PREP: variants seen among roughly 807,000 people sequenced by gnomAD.
PREP encodes dJ355L5.1 (prolyl endopeptidase).
PREP carries 29 observed loss-of-function variants against 87.6 expected under a neutral mutation model. The observed-to-expected ratio is 0.33, with a 90% CI of 0.25 to 0.45. The LOEUF (loss-of-function observed/expected upper bound fraction) is 0.45, where lower values mean the gene tolerates loss of function less well. PREP is among the 20% of genes least tolerant of loss of function. PREP has a pLI of 1.00. For synonymous variants in PREP, 337 were observed against 328.6 expected, an observed-to-expected ratio of 1.03 and a Z score of -0.28; for missense variants, 695 against 886.5, an observed-to-expected ratio of 0.78 and a Z score of 2.74.
intron 10 of PREP, among the ~76,000 whole-genome samples, chr6:105,296,476 C>T (rs1770415644): frequency 6.6e-6 from 1 of 151,826 alleles, no homozygotes; most frequent in Admixed American, 6.6e-5. Context: ...TTTTAGCTTC[C>T]TCTCTTATAA....
chr6:105,298,041 G>A (rs1268097141), intron 10 of PREP: 2 of 152,162 alleles, frequency 1.3e-5, no homozygotes, highest in Non-Finnish European at 2.9e-5. Context: ...GCCAGCCCGC[G>A]GCTGACCGAA....
chr6:105,292,224 GC>G (rs1477638793), intron 10 of PREP, among the ~76,000 whole-genome samples: 1 of 152,014 alleles, frequency 6.6e-6, no homozygotes, highest in African/African-American at 2.4e-5. Flanking sequence ...AATTTACTTT[GC>G]CCAGATCCAT....
At chr6:105,367,708 G>A (rs890937326) in intron 6 of PREP, among the ~76,000 whole-genome samples, 11 of 151,284 alleles carry the variant, frequency 7.3e-5, no homozygotes, top group African/African-American at 2.7e-4. Context: ...ACAAATTTTA[G>A]GGTAACAAAA....
At chr6:105,385,578 A>T (rs1221414198) in intron 2 of PREP, among the ~76,000 whole-genome samples, 4 of 152,230 alleles carry the variant, frequency 2.6e-5, no homozygotes, top group Non-Finnish European at 5.9e-5. Context: ...GAAAAAACCC[A>T]AGAATTAATT....
chr6:105,302,528 C>T (rs1014458645), intron 10 of PREP: 1 of 397,620 alleles, frequency 2.5e-6, no homozygotes, highest in African/African-American at 2.1e-5. Context: ...TCAGGTTCTC[C>T]TCGTGCTTGC....
At chr6:105,341,184 G>A (rs957511451) in intron 7 of PREP, among the ~76,000 whole-genome samples, 1 of 152,000 alleles carries the variant, frequency 6.6e-6, no homozygotes, top group South Asian at 2.1e-4. Flanking sequence ...TATAACAAAC[G>A]GTATCTCAGA....
intron 3 of PREP, among the ~76,000 whole-genome samples, chr6:105,377,070 A>G (rs1366320566): frequency 6.6e-6 from 1 of 152,220 alleles, no homozygotes; most frequent in Non-Finnish European, 1.5e-5. Context: ...AAGATAATTA[A>G]CTTCGGAGGC....
intron 6 of PREP, among the ~76,000 whole-genome samples, chr6:105,362,673 C>A (rs1016040699): frequency 1.3e-5 from 2 of 152,210 alleles, no homozygotes; most frequent in Admixed American, 6.5e-5. Context: ...GCCTTCCCAA[C>A]CATGCTGCTG....
intron 10 of PREP, among the ~76,000 whole-genome samples, chr6:105,301,903 C>T (rs377286119): frequency 6.6e-5 from 10 of 152,108 alleles, no homozygotes; most frequent in African/African-American, 2.4e-4. Context: ...AAGCCAAAAG[C>T]GAAATAGAAA....
chr6:105,371,067 G>A (rs1217423143), intron 5 of PREP, among the ~76,000 whole-genome samples: 2 of 152,194 alleles, frequency 1.3e-5, no homozygotes, highest in Non-Finnish European at 2.9e-5. Context: ...AAAAACAAAT[G>A]TACCACTCTG....
At chr6:105,369,091 T>C (rs543284758) in intron 5 of PREP, 67 bp from the exon 6 acceptor site, 46 of 1,550,714 alleles carry the variant, frequency 3.0e-5, no homozygotes, top group Middle Eastern at 1.7e-4. Flanking sequence ...TCCACCCATA[T>C]TGCAGAATGC....
intron 10 of PREP, among the ~76,000 whole-genome samples, chr6:105,318,271 T>C (rs146388860): frequency 6.6e-6 from 1 of 152,278 alleles, no homozygotes; most frequent in Non-Finnish European, 1.5e-5. Flanking sequence ...CATAAGCAGA[T>C]AGAGGATGCA....
chr6:105,312,832 G>C (rs1246051506), intron 10 of PREP, among the ~76,000 whole-genome samples: 1 of 152,092 alleles, frequency 6.6e-6, no homozygotes, highest in South Asian at 2.1e-4. Context: ...ATGGAGAAAC[G>C]AGGCAGAGGT....
intron 10 of PREP, chr6:105,323,121 C>T: frequency 7.7e-7 from 1 of 1,302,198 alleles, no homozygotes; most frequent in African/African-American, 1.5e-5. Flanking sequence ...GCTGAAAAAA[C>T]AAAAAAGGAG....
At chr6:105,398,516 TCTTC>T (rs1383908772) in intron 1 of PREP, among the ~76,000 whole-genome samples, 2 of 152,242 alleles carry the variant, frequency 1.3e-5, no homozygotes, top group African/African-American at 4.8e-5. Flanking sequence ...CTAATGCCTT[TCTTC>T]CTTTTTATTT....
intron 9 of PREP, among the ~76,000 whole-genome samples, chr6:105,327,653 A>G (rs1261659839): frequency 6.6e-6 from 1 of 152,232 alleles, no homozygotes; most frequent in East Asian, 1.9e-4. Context: ...CCACTTGAGC[A>G]CCTGCCTTGC....
intron 10 of PREP, among the ~76,000 whole-genome samples, chr6:105,317,520 A>G (rs536792170): frequency 7.7e-4 from 118 of 152,342 alleles, no homozygotes; most frequent in African/African-American, 2.7e-3. Flanking sequence ...TGAGGCCAGA[A>G]TCATATTAGT....
At chr6:105,353,707 G>A (rs530761228) in intron 6 of PREP, among the ~76,000 whole-genome samples, 3 of 150,644 alleles carry the variant, frequency 2.0e-5, no homozygotes, top group Admixed American at 2.0e-4. Context: ...AGGAGACGGA[G>A]GTTGCAGTGA....
At chr6:105,343,104 T>A (rs1195020407) in intron 7 of PREP, among the ~76,000 whole-genome samples, 3 of 152,216 alleles carry the variant, frequency 2.0e-5, no homozygotes, top group African/African-American at 2.4e-5. Flanking sequence ...GCTGGAGGCA[T>A]CACGCTACCT....
Sources: allele counts gnomAD v4.1 joint callset (sites outside exome capture counted in the v4.1 genomes callset), GRCh38; gene constraint gnomAD v4.1.1; transcripts MANE v1.5; gene names NCBI Gene and HGNC (gene_info 2026-07-23, HGNC 2026-07-21).